The following PCDHA6 variants were observed in gnomAD, a reference collection of about 807,000 sequenced individuals.
The protein encoded by PCDHA6 is protocadherin alpha 6, also known as protocadherin alpha-6.
PCDHA6 carries 55 observed loss-of-function variants against 60.3 expected under a neutral mutation model. The observed-to-expected ratio is 0.91, with a 90% CI of 0.73 to 1.14. PCDHA6 has a LOEUF of 1.14. PCDHA6 is among the 50% of genes most tolerant of loss of function. The pLI, the probability that PCDHA6 is intolerant of heterozygous loss-of-function variation, is 0.00. For synonymous variants in PCDHA6, 652 were observed against 557.9 expected, an observed-to-expected ratio of 1.17 and a Z score of -2.38; for missense variants, 1,327 against 1,256.5, an observed-to-expected ratio of 1.06 and a Z score of -0.85.
chr5:140,949,409 A>G (rs547419161), intron 1 of PCDHA6, among the ~76,000 whole-genome samples: 1 of 151,896 alleles, frequency 6.6e-6, no homozygotes, highest in African/African-American at 2.4e-5. Flanking sequence ...AAAATCACCT[A>G]TCATCATTGT....
chr5:140,861,533 C>T (rs890249596), intron 1 of PCDHA6: 6 of 446,700 alleles, frequency 1.3e-5, no homozygotes, highest in South Asian at 7.2e-5. Context: ...TCTCGGAGTG[C>T]AGCATCCACC....
intron 1 of PCDHA6, chr5:140,927,490 C>G: frequency 1.2e-6 from 2 of 1,614,132 alleles, no homozygotes; most frequent in Non-Finnish European, 8.5e-7. Flanking sequence ...CGCCACCCAC[C>G]TGCTGGTGCT....
chr5:140,896,748 A>T (rs1554187100), intron 1 of PCDHA6, among the ~76,000 whole-genome samples: 1 of 151,856 alleles, frequency 6.6e-6, no homozygotes, highest in African/African-American at 2.4e-5. Context: ...TAGATTCTGG[A>T]TATTAGACCT....
At chr5:140,848,190 T>C in intron 1 of PCDHA6, 1 of 291,738 alleles carries the variant, frequency 3.4e-6, no homozygotes, top group South Asian at 6.2e-5. Flanking sequence ...CGGGATCTTC[T>C]GTTTCAACAA....
intron 1 of PCDHA6, among the ~76,000 whole-genome samples, chr5:140,934,198 A>G (rs918942390): frequency 3.7e-4 from 57 of 152,134 alleles, no homozygotes; most frequent in African/African-American, 1.3e-3. Context: ...TTTCATTTCT[A>G]TTTCCTCACA....
chr5:140,928,105 C>T, intron 1 of PCDHA6: 6 of 1,614,150 alleles, frequency 3.7e-6, no homozygotes, highest in Middle Eastern at 1.6e-4. Flanking sequence ...GCCCCTGGAC[C>T]GGGAGCAGAT....
intron 3 of PCDHA6, among the ~76,000 whole-genome samples, chr5:140,998,221 C>G (rs1478098925): frequency 1.3e-5 from 2 of 152,160 alleles, no homozygotes; most frequent in Non-Finnish European, 2.9e-5. Flanking sequence ...TAACCACACC[C>G]AGAAATTTGT....
intron 3 of PCDHA6, among the ~76,000 whole-genome samples, chr5:140,983,949 T>TA (rs1554245835): frequency 1.3e-5 from 2 of 152,176 alleles, no homozygotes. Flanking sequence ...ACAATTCAAC[T>TA]AAAAGTCACA....
intron 1 of PCDHA6, chr5:140,865,282 T>G (rs2048808966): frequency 6.6e-6 from 1 of 152,240 alleles, no homozygotes; most frequent in Non-Finnish European, 1.5e-5. Flanking sequence ...GTAAAATTAC[T>G]TTGCTCTTTT....
intron 1 of PCDHA6, among the ~76,000 whole-genome samples, chr5:140,838,930 T>C (rs10059211): frequency 0.025 from 3,848 of 151,876 alleles, 212 homozygotes; most frequent in African/African-American, 0.088. Context: ...TAAAATAAAA[T>C]GAAATAATAA....
chr5:140,891,712 C>T (rs2063219356), intron 1 of PCDHA6, among the ~76,000 whole-genome samples: 1 of 152,148 alleles, frequency 6.6e-6, no homozygotes, highest in Non-Finnish European at 1.5e-5. Context: ...TTTGTACCCC[C>T]AAATTCATGT....
rs140138948 is a variant in PCDHA6 at position 140,849,650 on chromosome 5, T to G, written c.2394+19165T>G. The G allele has an allele frequency of 0.022, 35,883 of 1,598,700 alleles. 3,605 individuals carry two copies. The highest frequency in any genetic ancestry group is 0.044 in the Middle Eastern group (261 of 5,946). On this transcript the variant is annotated intron_variant, in intron 1 of 3. Coordinates refer to ENST00000529310, the MANE Select transcript of PCDHA6 (RefSeq NM_018909.4). The stretch of plus-strand genomic sequence containing the variant: ...TAGACGCAGATGCCAACGGGCAGGT[T>G]ACCTGCTCCCTGACGCCCCACGTCC...
At position 140,946,014 on chromosome 5, in the gene PCDHA6, C is replaced by T. The variant is rs116323983; in HGVS notation, c.2395-32935C>T. On this transcript the variant is annotated intron_variant, in intron 1 of 3. Coordinates refer to ENST00000529310, the MANE Select transcript of PCDHA6 (RefSeq NM_018909.4). ...ATTGCATCAAACTAAAAAGCTCCTG[C>T]GCAGCAAAGAAAACAAGAGTGAAGG... Among the ~76,000 whole-genome samples, 849 of 151,986 alleles carry T rather than the reference C, an allele frequency of 5.6e-3. 7 individuals carry two copies. The highest frequency in any genetic ancestry group is 0.02 in the African/African-American group (814 of 41,504).
Position 140,829,701 on chromosome 5 carries a change from C to T in PCDHA6, c.1610C>T (p.Ala537Val). 1.2e-6 allele frequency: 2 copies of T among 1,613,356 alleles called. No homozygotes were observed. Among genetic ancestry groups the T allele is most frequent in the South Asian group, 1.1e-5 (1 of 91,062 alleles). ...ELELLQFQVSARDAGVPPLGS... is the reference protein window; with the variant it reads ...ELELLQFQVSVRDAGVPPLGS... The stretch of plus-strand genomic sequence containing the variant: ...GAGCTGCTGCAGTTTCAGGTGAGCG[C>T]GCGCGACGCGGGCGTGCCGCCTCTG... Residue 537 changes from alanine to valine, a missense_variant, in exon 1 of 4, where the codon GCG (alanine) becomes GTG (valine). Physicochemically the swap from Ala to Val is moderately conservative, Grantham distance 64 (BLOSUM62 0). Transcript: ENST00000529310.
rs2150182802 is a variant in PCDHA6 at position 140,830,211 on chromosome 5, T to C, written c.2120T>C (p.Val707Ala). The C allele has an allele frequency of 6.2e-7, 1 of 1,613,792 alleles. No individual in the cohort carries two copies. The highest frequency in any genetic ancestry group is 1.1e-5 in the South Asian group (1 of 91,078). ...TACCTGATCATCGCCATCTGCGCGG[T>C]ATCCAGCCTGCTGGTCCTCACGCTA... ...NVYLIIAICA[V>A]SSLLVLTLLL... The change falls in exon 1 of 4, where the codon GTA (valine) becomes GCA (alanine). Residue 707 changes from valine to alanine, a missense_variant. Physicochemically the swap from Val to Ala is moderately conservative, Grantham distance 64. Transcript: ENST00000529310.
rs200002785 is a variant in PCDHA6, at chr5:140,870,350, A to G, written c.2394+39865A>G. On this transcript the variant is annotated intron_variant, in intron 1 of 3. Transcript: ENST00000529310. ...CTGGACAGCGCCCTGGACCGCGAGA[A>G]CGTGTGGGCCTATGAACTGGTGGTG... 1.1e-4 allele frequency: 183 copies of G among 1,614,052 alleles called. 1 individual carries two copies. Among genetic ancestry groups the G allele is most frequent in the Middle Eastern group, 3.3e-4 (2 of 6,084 alleles).
At chr5:140,836,674 C>CA in intron 1 of PCDHA6, 1 of 1,613,468 alleles carries the variant, frequency 6.2e-7, no homozygotes. Context: ...GGGGAGGGCC[C>CA]ACCCAAGACA....
At position 140,856,909 on chromosome 5, in the gene PCDHA6, G is replaced by A. The variant is rs782127825; in HGVS notation, c.2394+26424G>A. 1.5e-4 allele frequency: 234 copies of A among 1,596,020 alleles called. 23 individuals carry two copies. The highest frequency in any genetic ancestry group is 1.9e-4 in the Non-Finnish European group (221 of 1,165,964). Reference sequence around the variant, plus strand: ...CATTTAGCTCTTTGGTCCCACCCACGATAAGAAGGAAATTTTGGATAAACG... The same window carrying A: ...CATTTAGCTCTTTGGTCCCACCCACAATAAGAAGGAAATTTTGGATAAACG... On this transcript the variant is annotated intron_variant, in intron 1 of 3. Coordinates refer to ENST00000529310, the MANE Select transcript of PCDHA6 (RefSeq NM_018909.4).
rs782065685 is a variant in PCDHA6, at chr5:140,870,421, G to T, written c.2394+39936G>T. 9.3e-6 allele frequency: 15 copies of T among 1,614,096 alleles called. No individual in the cohort carries two copies. The highest frequency in any genetic ancestry group is 1.3e-5 in the Non-Finnish European group (15 of 1,180,046). On this transcript the variant is annotated intron_variant, in intron 1 of 3. Coordinates refer to ENST00000529310, the MANE Select transcript of PCDHA6 (RefSeq NM_018909.4). ...GCCTTCTCTGTGGGCCACGGCCAGG[G>T]TATCCGTGGAGGTGGCCGACGTGAA...
Sources: allele counts gnomAD v4.1 joint callset (sites outside exome capture counted in the v4.1 genomes callset), GRCh38; gene constraint gnomAD v4.1.1; transcripts MANE v1.5; gene names NCBI Gene and HGNC (gene_info 2026-07-23, HGNC 2026-07-21).